CADPS: variants seen among roughly 807,000 people sequenced by gnomAD.
CADPS encodes the protein calcium-dependent secretion activator 1.
A neutral mutation model predicts 167.3 loss-of-function variants in CADPS; 57 were observed. The ratio of observed to expected loss-of-function variants is 0.34; its 90% CI spans 0.28 to 0.42. CADPS has a LOEUF of 0.42. Ranked by LOEUF, CADPS falls within the 20% of genes least tolerant of loss-of-function variation. The pLI is 1.00. For synonymous variants in CADPS, 676 were observed against 635.3 expected (o/e 1.06, Z -0.96); for missense variants, 1,414 against 1,738.1 (o/e 0.81, Z 3.32).
rs2083151813 is a variant in CADPS at position 62,753,399 on chromosome 3, C to G, written c.888+42G>C. On this transcript the variant is annotated intron_variant, in intron 3 of 29. Transcript: ENST00000383710. The surrounding 1 kb of genome is among the most constrained non-coding windows in gnomAD (Gnocchi z 4.6). ...ATCTCATAGAAGTTGGAATGCAGCT[C>G]TGCTTACCCACAGCTCTAGGCCCAG... is the stretch of plus-strand genomic sequence containing the variant. The G allele has an allele frequency of 7.0e-7, 1 of 1,438,690 alleles. No homozygotes were observed. The highest frequency in any genetic ancestry group is 1.4e-5 in the African/African-American group (1 of 70,604). 89.1% of individuals were successfully genotyped at this position (1,438,690 alleles called of 1,614,324 possible).
chr3:62,479,536 T>C (rs1417661154), intron 22 of CADPS, among the ~76,000 whole-genome samples: 2 of 152,218 alleles, frequency 1.3e-5, no homozygotes, highest in Non-Finnish European at 2.9e-5. Context: ...GAAATATAGC[T>C]AGTGCATAAA....
intron 1 of CADPS, among the ~76,000 whole-genome samples, chr3:62,813,596 GA>G (rs1004393179): frequency 1.3e-5 from 2 of 150,810 alleles, no homozygotes; most frequent in South Asian, 2.1e-4. Flanking sequence ...CTTGCTACAA[GA>G]AAAAAAAATT....
At chr3:62,844,009 T>G (rs567994001) in intron 1 of CADPS, among the ~76,000 whole-genome samples, 1 of 152,304 alleles carries the variant, frequency 6.6e-6, no homozygotes, top group Non-Finnish European at 1.5e-5. Context: ...TATATAAAAT[T>G]TGAAACCTTA....
chr3:62,475,951 GAA>G (rs2061268444), intron 23 of CADPS, among the ~76,000 whole-genome samples: 1 of 152,146 alleles, frequency 6.6e-6, no homozygotes. Context: ...GCAGGGCTGT[GAA>G]AAGAGGAAGC....
intron 3 of CADPS, among the ~76,000 whole-genome samples, chr3:62,708,048 T>C (rs1044814509): frequency 1.3e-5 from 2 of 152,034 alleles, no homozygotes; most frequent in Admixed American, 6.6e-5. Context: ...ACCTCAGCCT[T>C]CTGAGTATCT....
chr3:62,686,291 T>C (rs780605983), intron 3 of CADPS, among the ~76,000 whole-genome samples: 1 of 152,048 alleles, frequency 6.6e-6, no homozygotes, highest in Non-Finnish European at 1.5e-5. Context: ...AAAATATCTA[T>C]GTCTTCCTGC....
chr3:62,629,055 C>T (rs1393666126), intron 6 of CADPS, among the ~76,000 whole-genome samples: 1 of 152,128 alleles, frequency 6.6e-6, no homozygotes, highest in East Asian at 1.9e-4. Context: ...TGTCTACTCT[C>T]TTAAGAAAAG....
chr3:62,853,747 A>T (rs958614436), intron 1 of CADPS, among the ~76,000 whole-genome samples: 1 of 152,004 alleles, frequency 6.6e-6, no homozygotes, highest in Non-Finnish European at 1.5e-5. Flanking sequence ...GATCACTTGA[A>T]CCCAGGAGTT....
chr3:62,460,308 G>A (rs13319861), intron 26 of CADPS, among the ~76,000 whole-genome samples: 3 of 152,190 alleles, frequency 2.0e-5, no homozygotes, highest in Admixed American at 6.5e-5. Flanking sequence ...GTCCAAGGCA[G>A]ACACCTCCAC....
chr3:62,871,983 T>A (rs542147721), intron 1 of CADPS, among the ~76,000 whole-genome samples: 5 of 152,216 alleles, frequency 3.3e-5, no homozygotes, highest in Non-Finnish European at 5.9e-5. Flanking sequence ...AGTATTGTGA[T>A]ATAGATTATT....
intron 20 of CADPS, among the ~76,000 whole-genome samples, chr3:62,492,068 T>C (rs577624455): frequency 1.0e-3 from 152 of 152,324 alleles, no homozygotes; most frequent in Admixed American, 1.8e-3. Flanking sequence ...TACTCTCAGG[T>C]TATTCTGTCT....
At chr3:62,734,059 C>T (rs1390355480) in intron 3 of CADPS, among the ~76,000 whole-genome samples, 3 of 152,072 alleles carry the variant, frequency 2.0e-5, no homozygotes, top group Admixed American at 6.6e-5. Context: ...TAGGTTGGTT[C>T]CATAATTTTT....
chr3:62,749,554 T>A (rs2082241313), intron 3 of CADPS, among the ~76,000 whole-genome samples: 1 of 152,032 alleles, frequency 6.6e-6, no homozygotes, highest in Admixed American at 6.6e-5. Context: ...TTCAGCAGAG[T>A]GAGGATGAAA....
intron 13 of CADPS, among the ~76,000 whole-genome samples, chr3:62,528,840 C>T (rs2072971384): frequency 1.3e-5 from 2 of 152,144 alleles, no homozygotes; most frequent in Admixed American, 6.6e-5. Context: ...AATAGCTAAT[C>T]TGAATATTTT....
intron 1 of CADPS, among the ~76,000 whole-genome samples, chr3:62,831,686 A>G (rs2075120187): frequency 6.6e-6 from 1 of 152,170 alleles, no homozygotes; most frequent in African/African-American, 2.4e-5. Flanking sequence ...ACCTAAAACT[A>G]TAGTAGGAAG....
At chr3:62,670,083 T>C (rs1268403411) in intron 3 of CADPS, among the ~76,000 whole-genome samples, 2 of 152,210 alleles carry the variant, frequency 1.3e-5, no homozygotes, top group African/African-American at 4.8e-5. Context: ...GTGACACATA[T>C]TCACTGTATG....
intron 26 of CADPS, among the ~76,000 whole-genome samples, chr3:62,449,081 G>C (rs1288332136): frequency 2.0e-5 from 3 of 152,178 alleles, no homozygotes; most frequent in Non-Finnish European, 4.4e-5. Flanking sequence ...TTCAGTGCAG[G>C]TTTGAATTTG....
At chr3:62,430,278 A>G (rs1467197432) in intron 28 of CADPS, among the ~76,000 whole-genome samples, 1 of 152,224 alleles carries the variant, frequency 6.6e-6, no homozygotes, top group African/African-American at 2.4e-5. Context: ...AAAGCAAAGT[A>G]ATTAATTGTT....
At chr3:62,700,777 A>G (rs1394507781) in intron 3 of CADPS, among the ~76,000 whole-genome samples, 3 of 152,116 alleles carry the variant, frequency 2.0e-5, no homozygotes, top group African/African-American at 7.2e-5. Flanking sequence ...AACTGAACTC[A>G]AGGCTGCACA....
Sources: allele counts gnomAD v4.1 joint callset (sites outside exome capture counted in the v4.1 genomes callset), GRCh38; gene constraint gnomAD v4.1.1; non-coding constraint Gnocchi (gnomAD v3.1); transcripts MANE v1.5; gene names NCBI Gene and HGNC (gene_info 2026-07-23, HGNC 2026-07-21).